The following PCDHGA1 variants were observed in gnomAD, a reference collection of about 807,000 sequenced individuals.
PCDHGA1 encodes protocadherin gamma-A1.
A neutral mutation model predicts 58.0 loss-of-function variants in PCDHGA1; 32 were observed. That is an observed-to-expected ratio of 0.55 (90% CI 0.42 to 0.74). PCDHGA1 has a LOEUF of 0.74. Among genes scored for constraint, PCDHGA1 ranks in the 30% least tolerant of loss-of-function variants. PCDHGA1 has a pLI of 0.00. For synonymous variants in PCDHGA1, 498 were observed against 501.1 expected (o/e 0.99, Z 0.08); for missense variants, 1,205 against 1,182.3 (o/e 1.02, Z -0.28).
chr5:141,463,438 CTTTTTTTTTT>C (rs71576115), intron 1 of PCDHGA1, among the ~76,000 whole-genome samples: 6 of 103,254 alleles, frequency 5.8e-5, no homozygotes, highest in Non-Finnish European at 9.4e-5. Flanking sequence ...TTTCCTTCTC[CTTTTTTTTTT>C]TTTTTTTTTT....
rs867810670 is a variant in PCDHGA1 at position 141,385,551 on chromosome 5, T to C, written c.2421+52446T>C. 11 of 1,313,528 alleles carry C rather than the reference T, an allele frequency of 8.4e-6. No individual in the cohort carries two copies. The African/African-American group carries it at 9.1e-5, about 11-fold the overall frequency. 81.4% of individuals were successfully genotyped at this position (1,313,528 alleles called of 1,614,324 possible). ...GATTATGAATATGTGGACTATCACA[T>C]TTTATAATTTCCACCTACTTTCCAA... On this transcript the variant is annotated intron_variant, in intron 1 of 3. Transcript: ENST00000517417.
chr5:141,450,678 G>C (rs1038323301), intron 1 of PCDHGA1, among the ~76,000 whole-genome samples: 1 of 151,854 alleles, frequency 6.6e-6, no homozygotes, highest in Non-Finnish European at 1.5e-5. Context: ...GTAGAAACGG[G>C]GTTTTGCCAT....
At chr5:141,371,401 A>G (rs776331475) in intron 1 of PCDHGA1, 4 of 1,614,018 alleles carry the variant, frequency 2.5e-6, no homozygotes, top group Admixed American at 3.3e-5. Flanking sequence ...GTACAGATAG[A>G]TATTTCAGAT....
chr5:141,346,530 T>G, intron 1 of PCDHGA1: 1 of 1,573,352 alleles, frequency 6.4e-7, no homozygotes, highest in East Asian at 2.3e-5. Flanking sequence ...TTAACACATA[T>G]GTATTTGAGA....
At chr5:141,366,995 A>T in intron 1 of PCDHGA1, 2 of 462,060 alleles carry the variant, frequency 4.3e-6, no homozygotes, top group Non-Finnish European at 3.7e-6. Context: ...GGTTAAATAT[A>T]ATCATTTTAC....
Position 141,332,037 on chromosome 5 carries a change from CTTCCATCAGGACTCCTACTCTGCCTACA to C in PCDHGA1, c.1358_1385del (p.His453ProfsTer13). The C allele has an allele frequency of 6.2e-7, 1 of 1,614,186 alleles. No individual in the cohort carries two copies. Among genetic ancestry groups the C allele is most frequent in the Non-Finnish European group, 8.5e-7 (1 of 1,180,030 alleles). ...CAGATATCAATGACAACTCCCCAGT[CTTCCATCAGGACTCCTACTCTGCCTACA>C]TTCCCGAAAACAACCCCAGAGGAGC... On this transcript the variant is annotated frameshift_variant, in exon 1 of 4. Coordinates refer to ENST00000517417, the MANE Select transcript of PCDHGA1 (RefSeq NM_018912.3). LOFTEE classifies it high-confidence loss of function. The surrounding 1 kb of genome is among the most constrained non-coding windows in gnomAD (Gnocchi z 4.6).
intron 1 of PCDHGA1, chr5:141,422,834 G>A (rs1450583869): frequency 3.1e-6 from 5 of 1,614,230 alleles, no homozygotes; most frequent in East Asian, 2.2e-5. Context: ...GTGATAGCAC[G>A]TGACAGCGGG....
intron 1 of PCDHGA1, chr5:141,423,956 A>G: frequency 1.7e-6 from 2 of 1,182,724 alleles, no homozygotes; most frequent in Non-Finnish European, 2.1e-6. Flanking sequence ...TTTTAGTATT[A>G]TTTTTCTATT....
chr5:141,369,665 A>T (rs1322092427), intron 1 of PCDHGA1, among the ~76,000 whole-genome samples: 1 of 152,242 alleles, frequency 6.6e-6, no homozygotes, highest in Non-Finnish European at 1.5e-5. Context: ...AAGATAAAAG[A>T]GAAGAAAGTG....
rs760572189 is a variant in PCDHGA1 at position 141,477,159 on chromosome 5, A to G, written c.2422-17648A>G. ...GTGGAGGTTGTGGATGTGAATGACA[A>G]CGCCCCGGAGATCACAGTCACCTCC... is the stretch of plus-strand genomic sequence containing the variant. On this transcript the variant is annotated intron_variant, in intron 1 of 3. Transcript: ENST00000517417. The surrounding 1 kb of genome is among the most constrained non-coding windows in gnomAD (Gnocchi z 4.9). The G allele has an allele frequency of 1.7e-5, 28 of 1,613,854 alleles. No individual in the cohort carries two copies. In the South Asian group the frequency reaches 3.1e-4, roughly 18 times the overall value.
intron 1 of PCDHGA1, chr5:141,409,447 AC>A (rs779658060): frequency 1.4e-4 from 222 of 1,613,890 alleles, no homozygotes; most frequent in Non-Finnish European, 1.8e-4. Context: ...GAGAGCAGAC[AC>A]CAGAATACAA....
intron 1 of PCDHGA1, chr5:141,374,429 C>A: frequency 6.2e-7 from 1 of 1,613,972 alleles, no homozygotes. Context: ...TAAACTGAAT[C>A]TTTATCCCGT....
rs532502013 is a variant in PCDHGA1 at position 141,404,723 on chromosome 5, G to A, written c.2421+71618G>A. 3.1e-6 allele frequency: 5 copies of A among 1,614,094 alleles called. No individual in the cohort carries two copies. Among genetic ancestry groups the A allele is most frequent in the Middle Eastern group, 1.6e-4 (1 of 6,062 alleles). On this transcript the variant is annotated intron_variant, in intron 1 of 3. Coordinates refer to ENST00000517417, the MANE Select transcript of PCDHGA1 (RefSeq NM_018912.3). ...AGAGCCTGGCTACCTGGTGACCAAG[G>A]TGGTGGCAGTGGACAGAGACTCAGG...
chr5:141,370,916 T>C, intron 1 of PCDHGA1: 1 of 1,614,016 alleles, frequency 6.2e-7, no homozygotes, highest in Non-Finnish European at 8.5e-7. Context: ...ACCTCAGCCC[T>C]GATCCGCACT....
rs1330713312 is a variant in PCDHGA1 at position 141,414,559 on chromosome 5, T to G, written c.2422-80248T>G. The stretch of plus-strand genomic sequence containing the variant: ...ACCTACCTTCTCTCAAGTCTCCTAC[T>G]TTACCTATATCCCAGAGAACAACGC... On this transcript the variant is annotated intron_variant, in intron 1 of 3. Coordinates refer to ENST00000517417, the MANE Select transcript of PCDHGA1 (RefSeq NM_018912.3). 5.0e-6 allele frequency: 8 copies of G among 1,613,782 alleles called. No homozygotes were observed. The Admixed American group carries it at 1.0e-4, about 20-fold the overall frequency.
At chr5:141,339,921 T>C in intron 1 of PCDHGA1, 1 of 1,614,100 alleles carries the variant, frequency 6.2e-7, no homozygotes, top group Non-Finnish European at 8.5e-7. Flanking sequence ...TTCCATGAAA[T>C]TGATATTGAA....
rs35482758 is a variant in PCDHGA1, at chr5:141,473,653, G to A, written c.2422-21154G>A. On this transcript the variant is annotated intron_variant, in intron 1 of 3. Coordinates refer to ENST00000517417, the MANE Select transcript of PCDHGA1 (RefSeq NM_018912.3). ...AGCTTTCCTGGCAAAGGAACAATTT[G>A]TGTGAAGGCCCTGAGACAGGGAAGG... Among the ~76,000 whole-genome samples, 302 of 152,274 alleles carry A rather than the reference G, an allele frequency of 2.0e-3. 1 individual carries two copies. Among genetic ancestry groups the A allele is most frequent in the Middle Eastern group, 0.01 (3 of 294 alleles).
chr5:141,415,744 T>TG (rs2095925177), intron 1 of PCDHGA1: 4 of 404,428 alleles, frequency 9.9e-6, no homozygotes, highest in Admixed American at 2.1e-4. Flanking sequence ...ATTAAGGTTT[T>TG]TTTTTTTTTT....
At chr5:141,338,095 C>T (rs897395964) in intron 1 of PCDHGA1, among the ~76,000 whole-genome samples, 2 of 152,210 alleles carry the variant, frequency 1.3e-5, no homozygotes, top group Non-Finnish European at 2.9e-5. Context: ...CAAATCTAGA[C>T]TGGATACCCC....
Sources: allele counts gnomAD v4.1 joint callset (sites outside exome capture counted in the v4.1 genomes callset), GRCh38; gene constraint gnomAD v4.1.1; non-coding constraint Gnocchi (gnomAD v3.1); transcripts MANE v1.5; gene names NCBI Gene and HGNC (gene_info 2026-07-23, HGNC 2026-07-21).